The following FHIT variants were observed in gnomAD, a reference collection of about 807,000 sequenced individuals.
FHIT encodes the protein fragile histidine triad diadenosine triphosphatase, also known as bis(5'-adenosyl)-triphosphatase.
FHIT carries 19 observed loss-of-function variants against 17.9 expected under a neutral mutation model. That is an observed-to-expected ratio of 1.06 (90% CI 0.74 to 1.56). The LOEUF is 1.56. Ranked by LOEUF, FHIT falls within the 40% of genes most tolerant of loss-of-function variation. The probability of loss-of-function intolerance (pLI) is 0.00; values close to 1 mark genes in which losing one functional copy is unlikely to be tolerated. For synonymous variants in FHIT, 81 were observed against 69.7 expected, an observed-to-expected ratio of 1.16 and a Z score of -0.81; for missense variants, 248 against 189.2, an observed-to-expected ratio of 1.31 and a Z score of -1.82.
intron 5 of FHIT, among the ~76,000 whole-genome samples, chr3:60,017,416 C>A (rs992880579): frequency 4.6e-5 from 7 of 152,276 alleles, no homozygotes; most frequent in Non-Finnish European, 8.8e-5. Context: ...TGGCATTTTG[C>A]CCCTTCTCAT....
intron 2 of FHIT, among the ~76,000 whole-genome samples, chr3:61,175,157 C>T (rs371028192): frequency 1.3e-5 from 2 of 152,164 alleles, no homozygotes; most frequent in Non-Finnish European, 2.9e-5. Context: ...AAATACCTCA[C>T]AGTTTGTCAC....
chr3:60,426,952 A>G (rs1702691537), intron 5 of FHIT, among the ~76,000 whole-genome samples: 1 of 152,004 alleles, frequency 6.6e-6, no homozygotes. Context: ...GACGGAGTAC[A>G]CTTCTGTGAC....
intron 5 of FHIT, among the ~76,000 whole-genome samples, chr3:60,507,759 G>A (rs2107536479): frequency 6.6e-6 from 1 of 152,174 alleles, no homozygotes; most frequent in South Asian, 2.1e-4. Context: ...CCACTTATAA[G>A]TGAGAACATG....
intron 4 of FHIT, among the ~76,000 whole-genome samples, chr3:60,590,816 G>A (rs2038060023): frequency 6.6e-6 from 1 of 152,094 alleles, no homozygotes; most frequent in Non-Finnish European, 1.5e-5. Flanking sequence ...CTGAACTGAT[G>A]ACTTAAACGC....
chr3:61,237,172 A>C (rs1370001080), intron 1 of FHIT, among the ~76,000 whole-genome samples: 2 of 152,204 alleles, frequency 1.3e-5, no homozygotes, highest in African/African-American at 4.8e-5. Flanking sequence ...GTTTTTTAAA[A>C]ATAGAGTTTT....
intron 2 of FHIT, among the ~76,000 whole-genome samples, chr3:61,159,316 A>G (rs181970781): frequency 2.3e-4 from 35 of 152,286 alleles, no homozygotes; most frequent in Admixed American, 5.2e-4. Context: ...CGTTTGATAC[A>G]ATCTGTAAAT....
intron 4 of FHIT, among the ~76,000 whole-genome samples, chr3:60,761,127 G>A (rs568234109): frequency 2.4e-4 from 36 of 152,152 alleles, no homozygotes; most frequent in African/African-American, 8.7e-4. Flanking sequence ...AATTTAAAAT[G>A]TCCTGCATGC....
At chr3:60,231,817 G>C (rs550423059) in intron 5 of FHIT, among the ~76,000 whole-genome samples, 19 of 152,264 alleles carry the variant, frequency 1.2e-4, no homozygotes, top group African/African-American at 4.6e-4. Context: ...AGGTATTCCT[G>C]TGAAAGGATT....
intron 2 of FHIT, among the ~76,000 whole-genome samples, chr3:61,045,733 T>A (rs980891537): frequency 1.3e-5 from 2 of 152,180 alleles, no homozygotes; most frequent in Non-Finnish European, 2.9e-5. Context: ...GACCACATAG[T>A]TGGAAGTAAA....
chr3:59,770,394 T>C (rs1004967276), intron 8 of FHIT, among the ~76,000 whole-genome samples: 2 of 152,152 alleles, frequency 1.3e-5, no homozygotes, highest in African/African-American at 4.8e-5. Context: ...CTTAATCTAA[T>C]ATGACTGGTG....
At chr3:59,770,982 G>T (rs1702048367) in intron 8 of FHIT, among the ~76,000 whole-genome samples, 1 of 152,144 alleles carries the variant, frequency 6.6e-6, no homozygotes, top group South Asian at 2.1e-4. Flanking sequence ...AAGCTTAGAT[G>T]GTGCCTGTTT....
At chr3:60,934,209 A>G (rs1553772557) in intron 3 of FHIT, among the ~76,000 whole-genome samples, 2 of 152,118 alleles carry the variant, frequency 1.3e-5, no homozygotes, top group African/African-American at 4.8e-5. Flanking sequence ...GTACCAGGAG[A>G]AATGGAGACC....
intron 5 of FHIT, among the ~76,000 whole-genome samples, chr3:60,391,601 C>T (rs976101761): frequency 4.6e-5 from 7 of 152,140 alleles, no homozygotes; most frequent in Admixed American, 6.6e-5. Flanking sequence ...ACCTTTTCTA[C>T]GTTTAGATAC....
At chr3:59,974,479 T>TA (rs1452369909) in intron 7 of FHIT, among the ~76,000 whole-genome samples, 4 of 152,154 alleles carry the variant, frequency 2.6e-5, no homozygotes, top group African/African-American at 9.7e-5. Flanking sequence ...CCAGTGTCTA[T>TA]AAAACACCTT....
Position 61,040,985 on chromosome 3 carries a change from C to T in FHIT, c.-111+1062G>A, listed in dbSNP as rs144172479. 2.0e-3 allele frequency among the ~76,000 whole-genome samples: 304 copies of T among 152,296 alleles called. 2 individuals carry two copies. The highest frequency in any genetic ancestry group is 6.9e-3 in the African/African-American group (286 of 41,560). ...CCATTTTCCCTGCCTCCCCTTCCTC[C>T]CCTAGGACATCCCCTCTCTGCCCTG... is the stretch of plus-strand genomic sequence containing the variant. On this transcript the variant is annotated intron_variant, in intron 3 of 9. Coordinates refer to ENST00000492590, the MANE Select transcript of FHIT (RefSeq NM_002012.4).
chr3:60,418,778 A>G (rs1702362520), intron 5 of FHIT, among the ~76,000 whole-genome samples: 1 of 151,920 alleles, frequency 6.6e-6, no homozygotes, highest in Non-Finnish European at 1.5e-5. Flanking sequence ...TTGAATGTCT[A>G]CATGTACTGA....
At chr3:60,773,359 AGACTTCAT>A (rs1700109738) in intron 4 of FHIT, among the ~76,000 whole-genome samples, 1 of 149,226 alleles carries the variant, frequency 6.7e-6, no homozygotes, top group Non-Finnish European at 1.5e-5. Flanking sequence ...ACATCTCCCT[AGACTTCAT>A]CTCCATAATC....
chr3:59,923,777 C>G (rs759197014), intron 7 of FHIT, among the ~76,000 whole-genome samples: 3 of 152,016 alleles, frequency 2.0e-5, no homozygotes, highest in Non-Finnish European at 4.4e-5. Context: ...CTCAAGAGAA[C>G]GTAAGATTTA....
chr3:59,826,342 A>C (rs995565109), intron 8 of FHIT, among the ~76,000 whole-genome samples: 1 of 152,158 alleles, frequency 6.6e-6, no homozygotes, highest in African/African-American at 2.4e-5. Flanking sequence ...AAATTGTAAT[A>C]TAGTTCCCTT....
Sources: allele counts gnomAD v4.1 joint callset (sites outside exome capture counted in the v4.1 genomes callset), GRCh38; gene constraint gnomAD v4.1.1; transcripts MANE v1.5; gene names NCBI Gene and HGNC (gene_info 2026-07-23, HGNC 2026-07-21).